The following RASSF5 variants were observed in gnomAD, a reference collection of about 807,000 sequenced individuals.
The protein encoded by RASSF5 is Ras association domain family member 5.
A neutral mutation model predicts 40.5 loss-of-function variants in RASSF5; 25 were observed. That is an observed-to-expected ratio of 0.62 (90% CI 0.45 to 0.86). RASSF5 has a LOEUF of 0.86. Ranked by LOEUF, RASSF5 falls within the 40% of genes least tolerant of loss-of-function variation. The probability of loss-of-function intolerance (pLI) is 0.00; values close to 1 mark genes in which losing one functional copy is unlikely to be tolerated. For missense variants in RASSF5, 521 were observed against 572.8 expected (o/e 0.91, Z 0.92); for synonymous variants, 246 against 252.4 (o/e 0.97, Z 0.24).
chr1:206,557,553 C>A (rs782239625), intron 2 of RASSF5: 34 of 1,613,196 alleles, frequency 2.1e-5, no homozygotes, highest in Non-Finnish European at 2.9e-5. Flanking sequence ...CTGGCGGCCT[C>A]GGCCGGGAAC....
intron 1 of RASSF5, among the ~76,000 whole-genome samples, chr1:206,527,145 G>A (rs1037956001): frequency 3.3e-5 from 5 of 152,124 alleles, no homozygotes; most frequent in Non-Finnish European, 4.4e-5. Flanking sequence ...CCCAGCACCC[G>A]ATTGAGTGTT....
chr1:206,583,178 T>G (rs1379564141), intron 2 of RASSF5, 91 bp from the exon 3 acceptor site: 70 of 826,914 alleles, frequency 8.5e-5, no homozygotes, highest in Non-Finnish European at 1.2e-4. Context: ...GCTCACTTCT[T>G]GGTTAGAGAG....
intron 3 of RASSF5, 122 bp downstream of exon 3, chr1:206,583,501 C>T: frequency 1.4e-6 from 1 of 693,842 alleles, no homozygotes; most frequent in Admixed American, 2.1e-5. Context: ...TTCCTCCGGC[C>T]TCCAGAGGCC....
intron 2 of RASSF5, among the ~76,000 whole-genome samples, chr1:206,573,018 C>G (rs550526091): frequency 2.6e-5 from 4 of 152,252 alleles, no homozygotes; most frequent in East Asian, 1.9e-4. Context: ...TGATGATGAT[C>G]ATGATCATGA....
intron 2 of RASSF5, among the ~76,000 whole-genome samples, chr1:206,578,570 G>C (rs1668745727): frequency 6.6e-6 from 1 of 152,124 alleles, no homozygotes; most frequent in South Asian, 2.1e-4. Context: ...TGGGCCAGAA[G>C]GAGGAAAGAC....
At chr1:206,539,468 A>C (rs954431936) in intron 2 of RASSF5, among the ~76,000 whole-genome samples, 1 of 152,132 alleles carries the variant, frequency 6.6e-6, no homozygotes, top group Admixed American at 6.5e-5. Context: ...CTAATTCACC[A>C]TGGGTGTTAC....
chr1:206,546,201 C>T (rs1667688990), intron 2 of RASSF5, among the ~76,000 whole-genome samples: 1 of 141,188 alleles, frequency 7.1e-6, no homozygotes, highest in Admixed American at 7.7e-5. Context: ...TTCAACCTCC[C>T]CAAGCTCAGG....
intron 2 of RASSF5, among the ~76,000 whole-genome samples, chr1:206,540,432 G>C (rs1218408181): frequency 6.6e-6 from 1 of 152,272 alleles, no homozygotes; most frequent in African/African-American, 2.4e-5. Context: ...GGCTTGTCTA[G>C]AGCAGAAACA....
chr1:206,557,055 G>A, intron 2 of RASSF5: 1 of 788,240 alleles, frequency 1.3e-6, no homozygotes, highest in Non-Finnish European at 1.5e-6. Context: ...GCAGTTCCCT[G>A]AGTCCACTTG....
rs1196024181 is a variant in RASSF5 at position 206,560,460 on chromosome 1, C to T, written c.579+22167C>T. ...AGATGGGGGCACCAGGCCCTGGGCC[C>T]TAGCTTGGTCTCTCTTTTCAGAAAA... On this transcript the variant is annotated intron_variant, in intron 2 of 5. Coordinates refer to ENST00000579436, the MANE Select transcript of RASSF5 (RefSeq NM_182663.4). This position sits in a 1 kb window ranked among gnomAD's most constrained non-coding sequence, Gnocchi z 5.1. 1.3e-5 allele frequency among the ~76,000 whole-genome samples: 2 copies of T among 152,236 alleles called. No individual in the cohort carries two copies. The highest frequency in any genetic ancestry group is 2.4e-5 in the African/African-American group (1 of 41,460).
intron 1 of RASSF5, among the ~76,000 whole-genome samples, chr1:206,520,302 G>A (rs1666870682): frequency 6.6e-6 from 1 of 152,180 alleles, no homozygotes; most frequent in South Asian, 2.1e-4. Context: ...CTGGAGTGTG[G>A]CATTTAAGAA....
chr1:206,567,473 T>C (rs61817215), intron 2 of RASSF5, among the ~76,000 whole-genome samples: 1,540 of 152,214 alleles, frequency 0.01, 9 homozygotes, highest in Non-Finnish European at 0.016. Flanking sequence ...CCACAGTCAA[T>C]GGATGGAGCG....
At chr1:206,519,379 C>A (rs560948263) in intron 1 of RASSF5, among the ~76,000 whole-genome samples, 1 of 152,234 alleles carries the variant, frequency 6.6e-6, no homozygotes, top group African/African-American at 2.4e-5. Context: ...ACTTCTGTAG[C>A]ACTCTCTGCT....
In RASSF5 at chr1:206,529,421, C is replaced by T. The variant is rs974585150; in HGVS notation, c.458-8751C>T. On this transcript the variant is annotated intron_variant, in intron 1 of 5. Transcript: ENST00000579436. ...TTGAGCTGGTCGTCTTCTTGCCTGC[C>T]CTGTGTCATAAAATGGGGGTCCCTT... 5.0e-5 allele frequency: 40 copies of T among 805,324 alleles called. 1 individual carries two copies. Among genetic ancestry groups the T allele is most frequent in the Middle Eastern group, 6.8e-4 (2 of 2,958 alleles). 49.9% of individuals were successfully genotyped at this position (805,324 alleles called of 1,614,324 possible). A position where few individuals can be genotyped will look rare whatever the true frequency, so the allele number is the denominator to read the frequency against.
At chr1:206,523,770 T>G (rs1553396621) in intron 1 of RASSF5, among the ~76,000 whole-genome samples, 24 of 101,994 alleles carry the variant, frequency 2.4e-4, no homozygotes, top group Non-Finnish European at 4.2e-4. Context: ...TAATATATTT[T>G]ATATATTATA....
At chr1:206,529,556 G>GCTTC (rs1452032311) in intron 1 of RASSF5, 2 of 865,698 alleles carry the variant, frequency 2.3e-6, no homozygotes, top group Non-Finnish European at 3.9e-6. Context: ...CTTTGGCTAA[G>GCTTC]CTGGTGGAAG....
rs782330097 is a variant in RASSF5, at chr1:206,552,852, G to A, written c.579+14559G>A. Among the ~76,000 whole-genome samples the A allele has an allele frequency of 6.6e-6, 1 of 152,086 alleles. No homozygotes were observed. Among genetic ancestry groups the A allele is most frequent in the Non-Finnish European group, 1.5e-5 (1 of 68,030 alleles). ...TAGACTGTATATTATTAGAAGGTAGGGACTGTGTCTTATTCATGCCCAAAC... is the reference window on the plus strand; with the variant it reads ...TAGACTGTATATTATTAGAAGGTAGAGACTGTGTCTTATTCATGCCCAAAC... On this transcript the variant is annotated intron_variant, in intron 2 of 5. Coordinates refer to ENST00000579436, the MANE Select transcript of RASSF5 (RefSeq NM_182663.4). The surrounding 1 kb of genome is among the most constrained non-coding windows in gnomAD (Gnocchi z 4.1).
At chr1:206,515,326 T>G (rs1666718639) in intron 1 of RASSF5, among the ~76,000 whole-genome samples, 1 of 152,218 alleles carries the variant, frequency 6.6e-6, no homozygotes, top group Non-Finnish European at 1.5e-5. Context: ...AATCATGAGA[T>G]CTTTAGAAAA....
intron 1 of RASSF5, among the ~76,000 whole-genome samples, chr1:206,511,138 A>G (rs1236558876): frequency 6.6e-6 from 1 of 152,220 alleles, no homozygotes; most frequent in Non-Finnish European, 1.5e-5. Flanking sequence ...AGGATTAAAG[A>G]ACTCCTAGTT....
Sources: allele counts gnomAD v4.1 joint callset (sites outside exome capture counted in the v4.1 genomes callset), GRCh38; gene constraint gnomAD v4.1.1; non-coding constraint Gnocchi (gnomAD v3.1); transcripts MANE v1.5; gene names NCBI Gene and HGNC (gene_info 2026-07-23, HGNC 2026-07-21).